The following PSMD12 variants were observed in gnomAD, a reference collection of about 807,000 sequenced individuals.
PSMD12 encodes proteasome 26S subunit, non-ATPase 12.
A neutral mutation model predicts 62.9 loss-of-function variants in PSMD12; 8 were observed. The observed-to-expected ratio is 0.13, with a 90% confidence interval of 0.07 to 0.23. The LOEUF is 0.23. Ranked by LOEUF, PSMD12 falls within the 10% of genes least tolerant of loss-of-function variation. PSMD12 has a pLI of 1.00. For synonymous variants in PSMD12, 173 were observed against 187.4 expected (o/e 0.92, Z 0.63); for missense variants, 424 against 550.2 (o/e 0.77, Z 2.29).
intron 9 of PSMD12, among the ~76,000 whole-genome samples, chr17:67,342,998 C>T (rs2041929612): frequency 6.6e-6 from 1 of 151,370 alleles, no homozygotes; most frequent in African/African-American, 2.4e-5. Flanking sequence ...TACCATTATT[C>T]CAATGACTTA....
At chr17:67,360,518 C>A (rs1011340095) in intron 1 of PSMD12, among the ~76,000 whole-genome samples, 1 of 152,186 alleles carries the variant, frequency 6.6e-6, no homozygotes, top group Non-Finnish European at 1.5e-5. Context: ...ACTGTCTTTC[C>A]AATCTCAGTA....
rs1406433661 is a variant in PSMD12, at chr17:67,344,749, A to G, written c.940T>C (p.Leu314=). Residue 314 remains leucine (L), a synonymous_variant, in exon 9 of 11, where the codon TTG becomes CTG. Coordinates refer to ENST00000356126, the MANE Select transcript of PSMD12 (RefSeq NM_002816.5). The stretch of plus-strand genomic sequence containing the variant: ...TCAACAAGTGTGGACCAACGCATCA[A>G]CTCCATTGTGGTAAAAAGCTTTAAA... The part of the protein sequence containing the change: ...DLLKLFTTME[L]MRWSTLVEDY... 22 of 1,602,018 alleles carry G rather than the reference A, an allele frequency of 1.4e-5. No individual in the cohort carries two copies. Among genetic ancestry groups the G allele is most frequent in the Non-Finnish European group, 1.7e-5 (20 of 1,172,830 alleles).
At position 67,349,988 on chromosome 17, in the gene PSMD12, C is replaced by T. The variant is rs151103912; in HGVS notation, c.405+241G>A. On this transcript the variant is annotated intron_variant, in intron 4 of 10. Transcript: ENST00000356126. ...TTTTTTTTAAAGTCACATTTAAATC[C>T]GTGATAAGATACCCAATTCCCAGAA... is the stretch of plus-strand genomic sequence containing the variant. 3.4e-4 allele frequency among the ~76,000 whole-genome samples: 52 copies of T among 152,102 alleles called. No homozygotes were observed. In the East Asian group the frequency reaches 5.6e-3, roughly 16 times the overall value.
intron 3 of PSMD12, among the ~76,000 whole-genome samples, chr17:67,351,612 C>T (rs1567956493): frequency 2.0e-5 from 3 of 151,614 alleles, no homozygotes; most frequent in South Asian, 4.1e-4. Context: ...TCAGGGGGTA[C>T]ATGTGGAGGT....
intron 3 of PSMD12, among the ~76,000 whole-genome samples, chr17:67,352,834 G>A (rs780531149): frequency 3.9e-5 from 6 of 152,172 alleles, no homozygotes; most frequent in Non-Finnish European, 8.8e-5. Flanking sequence ...TCAGTCTCAT[G>A]TGATCCACTG....
At chr17:67,364,894 A>G (rs2042164854) in intron 1 of PSMD12, among the ~76,000 whole-genome samples, 1 of 152,126 alleles carries the variant, frequency 6.6e-6, no homozygotes, top group African/African-American at 2.4e-5. Flanking sequence ...TCGAAAGTTC[A>G]GGTTTTTGGC....
chr17:67,347,584 A>G (rs569632672), intron 5 of PSMD12, 99 bp from the exon 6 acceptor site: 9 of 1,228,294 alleles, frequency 7.3e-6, no homozygotes, highest in African/African-American at 3.1e-5. Flanking sequence ...TTGTTAAATA[A>G]TAAGAACCTT....
rs117110880 is a variant in PSMD12 at position 67,342,913 on chromosome 17, A to G, written c.1084-650T>C. Among the ~76,000 whole-genome samples the G allele has an allele frequency of 2.7e-3, 400 of 150,746 alleles. 1 individual carries two copies. The highest frequency in any genetic ancestry group is 6.8e-3 in the Middle Eastern group (2 of 294). On this transcript the variant is annotated intron_variant, in intron 9 of 10. Coordinates refer to ENST00000356126, the MANE Select transcript of PSMD12 (RefSeq NM_002816.5). ...ACTGTGCCACTGTACTCCAGTCTGG[A>G]TGACAGAGCTACACTGACTCTCTTT... is the stretch of plus-strand genomic sequence containing the variant.
chr17:67,358,494 G>A (rs761119417), intron 1 of PSMD12, among the ~76,000 whole-genome samples: 1 of 147,998 alleles, frequency 6.8e-6, no homozygotes. Context: ...CTTGAGCCAT[G>A]GAGGTGAAGG....
In PSMD12 at chr17:67,347,489, G is replaced by C. The variant is rs2041978981; in HGVS notation, c.511-4C>G. On this transcript the variant is annotated splice_polypyrimidine_tract_variant and splice_region_variant and intron_variant, in intron 5 of 10. Transcript: ENST00000356126. Reference sequence around the variant, plus strand: ...CCATTGACCCGTAGGTTTCCACCTAGCACAGTAATTCCCCAAATAAGTTTA... The same window carrying C: ...CCATTGACCCGTAGGTTTCCACCTACCACAGTAATTCCCCAAATAAGTTTA... The C allele has an allele frequency of 6.2e-7, 1 of 1,604,520 alleles. No individual in the cohort carries two copies. Among genetic ancestry groups the C allele is most frequent in the South Asian group, 1.1e-5 (1 of 88,840 alleles).
At chr17:67,355,880 C>A (rs1001417510) in intron 3 of PSMD12, among the ~76,000 whole-genome samples, 1 of 151,990 alleles carries the variant, frequency 6.6e-6, no homozygotes, top group African/African-American at 2.4e-5. Context: ...GTAATCCCAG[C>A]ACTTTGGGAG....
intron 10 of PSMD12, among the ~76,000 whole-genome samples, 167 bp downstream of exon 10, chr17:67,342,019 T>C (rs2041919705): frequency 6.6e-6 from 1 of 152,340 alleles, no homozygotes; most frequent in Middle Eastern, 3.4e-3. Flanking sequence ...AGACCTAGGA[T>C]CACTTGATAC....
chr17:67,353,665 G>A (rs916887802), intron 3 of PSMD12, among the ~76,000 whole-genome samples: 3 of 152,046 alleles, frequency 2.0e-5, no homozygotes, highest in South Asian at 2.1e-4. Context: ...AATAAATTTC[G>A]TAGGTAAAAA....
chr17:67,357,393 T>C lies in PSMD12; in HGVS notation c.207A>G (p.Ala69=). 1 of 1,613,596 alleles carries C rather than the reference T, an allele frequency of 6.2e-7. No individual in the cohort carries two copies. The part of the protein sequence containing the change: ...DMVSTSRILV[A]VVKMCYEAKE... ...TAGCCTCATAGCACATCTTCACTACTGCAACTAAGATACGGGATGTCGATA... is the reference window on the plus strand; with the variant it reads ...TAGCCTCATAGCACATCTTCACTACCGCAACTAAGATACGGGATGTCGATA... Residue 69 remains alanine, a synonymous_variant, in exon 3 of 11, where the codon GCA becomes GCG. Transcript: ENST00000356126.
chr17:67,356,504 G>A (rs1373197537), intron 3 of PSMD12, among the ~76,000 whole-genome samples: 4 of 120,262 alleles, frequency 3.3e-5, no homozygotes, highest in Non-Finnish European at 4.8e-5. Context: ...CTTGCAGTGA[G>A]CCGAGATCGC....
At chr17:67,354,035 C>T (rs576255716) in intron 3 of PSMD12, among the ~76,000 whole-genome samples, 95 of 152,292 alleles carry the variant, frequency 6.2e-4, no homozygotes, top group Non-Finnish European at 7.8e-4. Flanking sequence ...CAATAGGGTG[C>T]CAAGGGCAAG....
At chr17:67,344,468 T>C (rs1042479764) in intron 9 of PSMD12, 138 bp downstream of exon 9, 29 of 819,918 alleles carry the variant, frequency 3.5e-5, no homozygotes, top group Non-Finnish European at 5.0e-5. Flanking sequence ...ATTAAACACA[T>C]AACATCCTAA....
intron 3 of PSMD12, 32 bp downstream of exon 3, chr17:67,357,271 T>A (rs1445260237): frequency 6.3e-7 from 1 of 1,582,732 alleles, no homozygotes; most frequent in East Asian, 2.2e-5. Flanking sequence ...CAAATGCTTT[T>A]GTGTTTGGAG....
At chr17:67,356,883 C>T (rs1468577089) in intron 3 of PSMD12, among the ~76,000 whole-genome samples, 7 of 151,786 alleles carry the variant, frequency 4.6e-5, no homozygotes, top group African/African-American at 9.7e-5. Context: ...TGGCGGCATG[C>T]GCTTACAGTC....
Sources: gnomAD v4.1 joint callset for allele counts (sites outside exome capture counted in the v4.1 genomes callset) on GRCh38, gnomAD v4.1.1 for gene constraint, MANE v1.5 for transcripts, NCBI Gene and HGNC (gene_info 2026-07-23, HGNC 2026-07-21) for gene names.